Variants in TACR1 observed in about 807,000 individuals in gnomAD.
TACR1 encodes tachykinin receptor 1, also known as substance-P receptor.
A neutral mutation model predicts 35.8 loss-of-function variants in TACR1; 25 were observed. The ratio of observed to expected loss-of-function variants is 0.70; its 90% CI spans 0.51 to 0.98. The LOEUF is 0.98. TACR1 is among the 50% of genes least tolerant of loss of function. The probability of loss-of-function intolerance (pLI) is 0.00; values close to 1 mark genes in which losing one functional copy is unlikely to be tolerated. For synonymous variants in TACR1, 195 were observed against 206.7 expected (o/e 0.94, Z 0.48); for missense variants, 478 against 522.9 (o/e 0.91, Z 0.84).
At chr2:75,080,682 C>G (rs1673071420) in intron 2 of TACR1, among the ~76,000 whole-genome samples, 1 of 152,154 alleles carries the variant, frequency 6.6e-6, no homozygotes, top group Non-Finnish European at 1.5e-5. Flanking sequence ...GTCTTTTATC[C>G]TTTCCTATTT....
At chr2:75,174,043 G>T (rs1488938247) in intron 1 of TACR1, among the ~76,000 whole-genome samples, 1 of 152,070 alleles carries the variant, frequency 6.6e-6, no homozygotes, top group African/African-American at 2.4e-5. Flanking sequence ...ACACTCTCCT[G>T]CCTCACTCCC....
rs1416236342 is a variant in TACR1 at position 75,049,251 on chromosome 2, GAT to G, written c.*179_*180del. The G allele has an allele frequency of 7.5e-6, 5 of 668,536 alleles. No individual in the cohort carries two copies. The African/African-American group carries it at 9.1e-5, about 12-fold the overall frequency. 41.4% of individuals were successfully genotyped at this position (668,536 alleles called of 1,614,324 possible). On this transcript the variant is annotated 3_prime_UTR_variant, in exon 5 of 5. Coordinates refer to ENST00000305249, the MANE Select transcript of TACR1 (RefSeq NM_001058.4). ...AGTCACACAGCATGAGGGTGGCAAA[GAT>G]AGGGAAGAATTGAGATTTTTTGACT...
At chr2:75,181,278 AGGGATC>A (rs1433267407) in intron 1 of TACR1, among the ~76,000 whole-genome samples, 1 of 152,184 alleles carries the variant, frequency 6.6e-6, no homozygotes, top group African/African-American at 2.4e-5. Flanking sequence ...TTAAAAATTG[AGGGATC>A]ATTTTGAAAA....
intron 1 of TACR1, among the ~76,000 whole-genome samples, chr2:75,173,298 C>T (rs1040585017): frequency 6.6e-6 from 1 of 152,136 alleles, no homozygotes; most frequent in African/African-American, 2.4e-5. Flanking sequence ...ATTTTTTCTA[C>T]TTTGCTGAGT....
At chr2:75,186,398 A>C (rs1003247788) in intron 1 of TACR1, among the ~76,000 whole-genome samples, 3 of 150,886 alleles carry the variant, frequency 2.0e-5, no homozygotes, top group Non-Finnish European at 3.0e-5. Flanking sequence ...AAAAAGAAAG[A>C]AAGTCTTGGC....
intron 2 of TACR1, among the ~76,000 whole-genome samples, chr2:75,109,533 T>G (rs1673711615): frequency 6.6e-6 from 1 of 152,198 alleles, no homozygotes; most frequent in African/African-American, 2.4e-5. Context: ...AATGTCTCTT[T>G]GTGAGATAGC....
intron 1 of TACR1, among the ~76,000 whole-genome samples, chr2:75,168,374 T>G (rs1027231892): frequency 6.6e-6 from 1 of 152,190 alleles, no homozygotes; most frequent in African/African-American, 2.4e-5. Context: ...TAATTAGGTC[T>G]GCCCAATCTA....
intron 1 of TACR1, among the ~76,000 whole-genome samples, chr2:75,198,122 A>G (rs1311238398): frequency 6.6e-6 from 1 of 152,222 alleles, no homozygotes; most frequent in Non-Finnish European, 1.5e-5. Context: ...AGGCTGTCTG[A>G]CAGAAAAACA....
At chr2:75,193,681 A>C in intron 1 of TACR1, among the ~76,000 whole-genome samples, 1 of 151,970 alleles carries the variant, frequency 6.6e-6, no homozygotes, top group East Asian at 1.9e-4. Flanking sequence ...TTCTCTAAAA[A>C]TCTTATCTAA....
intron 1 of TACR1, among the ~76,000 whole-genome samples, chr2:75,182,139 C>G (rs1675573932): frequency 6.6e-6 from 1 of 152,226 alleles, no homozygotes; most frequent in African/African-American, 2.4e-5. Flanking sequence ...CTCCAGGCCT[C>G]TCGCCTGTGT....
At chr2:75,186,371 C>CA (rs373147504) in intron 1 of TACR1, among the ~76,000 whole-genome samples, 13,250 of 81,604 alleles carry the variant, frequency 0.16, 1,382 homozygotes, top group East Asian at 0.38. Context: ...GACTCTGTCT[C>CA]AAAAAAAAAA....
chr2:75,055,891 A>G (rs1175997018), intron 2 of TACR1, among the ~76,000 whole-genome samples: 2 of 152,226 alleles, frequency 1.3e-5, no homozygotes, highest in African/African-American at 4.8e-5. Context: ...AGAGATGCCG[A>G]TGTTGCTGTT....
intron 1 of TACR1, among the ~76,000 whole-genome samples, chr2:75,190,651 C>T (rs1307958923): frequency 2.0e-5 from 3 of 152,154 alleles, no homozygotes; most frequent in East Asian, 1.9e-4. Flanking sequence ...ATCTTTCCCT[C>T]TCTTCTTACC....
At chr2:75,137,350 AG>A (rs1161432688) in intron 1 of TACR1, among the ~76,000 whole-genome samples, 1 of 152,210 alleles carries the variant, frequency 6.6e-6, no homozygotes, top group Non-Finnish European at 1.5e-5. Context: ...ACAGAATCCT[AG>A]ACATATAGGT....
chr2:75,072,485 G>A (rs941785075), intron 2 of TACR1, among the ~76,000 whole-genome samples: 7 of 152,208 alleles, frequency 4.6e-5, no homozygotes, highest in African/African-American at 1.4e-4. Flanking sequence ...GTTGGGGATC[G>A]TCCATGAGAG....
At chr2:75,134,059 C>A (rs1674230485) in intron 1 of TACR1, among the ~76,000 whole-genome samples, 1 of 152,118 alleles carries the variant, frequency 6.6e-6, no homozygotes, top group South Asian at 2.1e-4. Flanking sequence ...AGGAAGTTAC[C>A]CTGCACGGTC....
intron 2 of TACR1, among the ~76,000 whole-genome samples, chr2:75,111,931 T>A (rs1175208455): frequency 2.0e-5 from 3 of 152,044 alleles, no homozygotes; most frequent in East Asian, 3.9e-4. Flanking sequence ...CACACAAATA[T>A]GTATAAATTT....
chr2:75,163,421 A>T (rs973036332), intron 1 of TACR1, among the ~76,000 whole-genome samples: 4 of 152,220 alleles, frequency 2.6e-5, no homozygotes, highest in Non-Finnish European at 4.4e-5. Context: ...AAACTCTAAA[A>T]TAAAGGCATT....
intron 2 of TACR1, among the ~76,000 whole-genome samples, chr2:75,053,963 A>G (rs74376589): frequency 3.6e-4 from 55 of 152,308 alleles, no homozygotes; most frequent in African/African-American, 1.3e-3. Flanking sequence ...ACAGAAAACA[A>G]TTTATGTTTT....
Sources: allele counts gnomAD v4.1 joint callset (sites outside exome capture counted in the v4.1 genomes callset), GRCh38; gene constraint gnomAD v4.1.1; transcripts MANE v1.5; gene names NCBI Gene and HGNC (gene_info 2026-07-23, HGNC 2026-07-21).